The following NEGR1 variants were observed in gnomAD, a reference collection of about 807,000 sequenced individuals.
NEGR1 encodes the protein neuronal growth regulator 1, also known as IgLON family member 4.
NEGR1 carries 10 observed loss-of-function variants against 40.9 expected under a neutral mutation model. That is an observed-to-expected ratio of 0.24 (90% CI 0.15 to 0.42). The LOEUF is 0.42. Among genes scored for constraint, NEGR1 ranks in the 10% least tolerant of loss-of-function variants. The probability of loss-of-function intolerance (pLI) is 1.00; values close to 1 mark genes in which losing one functional copy is unlikely to be tolerated. For missense variants in NEGR1, 352 were observed against 438.9 expected, an observed-to-expected ratio of 0.80 and a Z score of 1.77; for synonymous variants, 185 against 166.8, an observed-to-expected ratio of 1.11 and a Z score of -0.84.
chr1:71,942,781 C>T (rs1490149267), intron 1 of NEGR1, among the ~76,000 whole-genome samples: 1 of 148,148 alleles, frequency 6.8e-6, no homozygotes, highest in Non-Finnish European at 1.5e-5. Flanking sequence ...GGATTACAGG[C>T]GTGAGCCACC....
intron 1 of NEGR1, among the ~76,000 whole-genome samples, chr1:72,016,430 G>A (rs1646710922): frequency 6.6e-6 from 1 of 152,052 alleles, no homozygotes; most frequent in Admixed American, 6.6e-5. Flanking sequence ...GTGTGCCTTT[G>A]GAATCCACAC....
chr1:71,808,593 A>C (rs1453870722), intron 2 of NEGR1, among the ~76,000 whole-genome samples: 1 of 152,156 alleles, frequency 6.6e-6, no homozygotes, highest in African/African-American at 2.4e-5. Flanking sequence ...CTGTAACTGC[A>C]TGATTTTAGA....
chr1:72,201,620 A>C (rs899567981), intron 1 of NEGR1, among the ~76,000 whole-genome samples: 3 of 152,026 alleles, frequency 2.0e-5, no homozygotes, highest in Admixed American at 6.6e-5. Flanking sequence ...ACAAAGGTTA[A>C]AATCACACGA....
intron 6 of NEGR1, among the ~76,000 whole-genome samples, chr1:71,508,255 G>T (rs1165532379): frequency 6.6e-6 from 1 of 152,094 alleles, no homozygotes; most frequent in Non-Finnish European, 1.5e-5. Context: ...TGGCCACTAT[G>T]AAAGCTATGC....
intron 6 of NEGR1, among the ~76,000 whole-genome samples, chr1:71,501,769 G>A (rs1029073545): frequency 1.3e-5 from 2 of 151,982 alleles, no homozygotes; most frequent in Admixed American, 6.6e-5. Context: ...CAGATAAGAA[G>A]AATAAAAAAT....
At chr1:71,744,429 C>T (rs183536414) in intron 3 of NEGR1, among the ~76,000 whole-genome samples, 90 of 151,360 alleles carry the variant, frequency 5.9e-4, no homozygotes, top group African/African-American at 2.0e-3. Context: ...TCCATATTTA[C>T]ATCTGTCTAT....
chr1:71,729,132 A>G (rs1018469499), intron 3 of NEGR1, among the ~76,000 whole-genome samples: 17 of 152,016 alleles, frequency 1.1e-4, no homozygotes, highest in African/African-American at 3.4e-4. Flanking sequence ...CCTCTCGCCA[A>G]ACATAAGACT....
chr1:72,135,404 C>CAAAAAAAAAAAAAAAAACAAAAAAAA (rs562148946), intron 1 of NEGR1, among the ~76,000 whole-genome samples: 1 of 65,784 alleles, frequency 1.5e-5, no homozygotes, highest in Non-Finnish European at 2.6e-5. Flanking sequence ...AAACAAAAAA[C>CAAAAAAAAAAAAAAAAACAAAAAAAA]AAAAAAAAAA....
intron 6 of NEGR1, among the ~76,000 whole-genome samples, chr1:71,553,899 A>G (rs1039887570): frequency 3.3e-5 from 5 of 151,526 alleles, no homozygotes; most frequent in African/African-American, 1.2e-4. Flanking sequence ...TTTCTTATTT[A>G]ACATATTTCC....
At chr1:71,553,627 A>G (rs534539972) in intron 6 of NEGR1, among the ~76,000 whole-genome samples, 16 of 151,708 alleles carry the variant, frequency 1.1e-4, no homozygotes, top group South Asian at 6.2e-4. Flanking sequence ...TTCATCTGAA[A>G]TATATTGCTA....
At chr1:71,737,448 G>A (rs2101671796) in intron 3 of NEGR1, among the ~76,000 whole-genome samples, 2 of 149,620 alleles carry the variant, frequency 1.3e-5, no homozygotes, top group African/African-American at 2.5e-5. Flanking sequence ...ACATGTTTTT[G>A]TTGTAGCAAC....
intron 6 of NEGR1, among the ~76,000 whole-genome samples, chr1:71,425,280 A>G (rs1367812708): frequency 6.6e-6 from 1 of 152,208 alleles, no homozygotes; most frequent in Non-Finnish European, 1.5e-5. Flanking sequence ...AATCTCTCTT[A>G]TGATTCCAAA....
chr1:72,267,887 G>A (rs143105190), intron 1 of NEGR1, among the ~76,000 whole-genome samples: 1 of 151,152 alleles, frequency 6.6e-6, no homozygotes, highest in African/African-American at 2.4e-5. Context: ...AACCTTCATA[G>A]ACTTTCAGAA....
chr1:71,720,305 A>C (rs1170074856), intron 3 of NEGR1, among the ~76,000 whole-genome samples: 9 of 152,182 alleles, frequency 5.9e-5, no homozygotes, highest in African/African-American at 2.2e-4. Context: ...TACACACACA[A>C]AAAAAGTAAA....
intron 3 of NEGR1, among the ~76,000 whole-genome samples, chr1:71,765,253 G>T (rs1330463265): frequency 6.6e-6 from 1 of 151,946 alleles, no homozygotes; most frequent in Non-Finnish European, 1.5e-5. Flanking sequence ...GAATGAATTG[G>T]GCTACAAAAT....
At chr1:71,744,162 C>A (rs778867785) in intron 3 of NEGR1, among the ~76,000 whole-genome samples, 1 of 151,790 alleles carries the variant, frequency 6.6e-6, no homozygotes, top group African/African-American at 2.4e-5. Context: ...TCAGACTACA[C>A]GAAGTTTAGG....
At chr1:72,124,852 T>A (rs1649948058) in intron 1 of NEGR1, among the ~76,000 whole-genome samples, 1 of 152,140 alleles carries the variant, frequency 6.6e-6, no homozygotes, top group African/African-American at 2.4e-5. Flanking sequence ...TAACTTCATT[T>A]GAAATTACAA....
chr1:71,858,461 T>G (rs1659848244), intron 2 of NEGR1, among the ~76,000 whole-genome samples: 1 of 152,076 alleles, frequency 6.6e-6, no homozygotes, highest in South Asian at 2.1e-4. Context: ...GGGAAATAAT[T>G]ATTACAGTGG....
At chr1:71,542,078 G>A (rs1266277832) in intron 6 of NEGR1, among the ~76,000 whole-genome samples, 1 of 151,702 alleles carries the variant, frequency 6.6e-6, no homozygotes, top group African/African-American at 2.4e-5. Flanking sequence ...CTATTGGTGG[G>A]AAATATGGTA....
Sources: gnomAD v4.1 joint callset for allele counts (sites outside exome capture counted in the v4.1 genomes callset) on GRCh38, gnomAD v4.1.1 for gene constraint, MANE v1.5 for transcripts, NCBI Gene and HGNC (gene_info 2026-07-23, HGNC 2026-07-21) for gene names.